The following CHLSN variants were observed in gnomAD, a reference collection of about 807,000 sequenced individuals.
The protein encoded by CHLSN is protein cholesin.
chr7:1,075,472 C>T, the CHLSN span, among the ~76,000 whole-genome samples: 3 of 150,912 alleles, frequency 2.0e-5, no homozygotes, highest in South Asian at 2.1e-4. Context: ...TGCAGTGAGC[C>T]GAGATCGCAC....
the CHLSN span, among the ~76,000 whole-genome samples, chr7:1,011,149 C>T: frequency 1.4e-4 from 21 of 150,742 alleles, no homozygotes; most frequent in African/African-American, 3.9e-4. Context: ...GTACCCACAC[C>T]GACCCACACC....
chr7:998,617 G>C, the CHLSN span, among the ~76,000 whole-genome samples: 1 of 152,006 alleles, frequency 6.6e-6, no homozygotes, highest in African/African-American at 2.4e-5. Flanking sequence ...GCTAATTTTT[G>C]TATTTTTAGT....
chr7:1,000,931 T>C, the CHLSN span, among the ~76,000 whole-genome samples: 7 of 152,256 alleles, frequency 4.6e-5, no homozygotes, highest in East Asian at 1.4e-3. Flanking sequence ...ATTTTCTACA[T>C]GAAAATGGGA....
At chr7:1,111,321 A>G in the CHLSN span, among the ~76,000 whole-genome samples, 1 of 152,274 alleles carries the variant, frequency 6.6e-6, no homozygotes, top group African/African-American at 2.4e-5. Context: ...GACACAGGGT[A>G]GCAGGTGTTC....
chr7:1,136,323 A>AATATATAAAT, the CHLSN span, among the ~76,000 whole-genome samples: 669 of 103,432 alleles, frequency 6.5e-3, 63 homozygotes, highest in African/African-American at 0.032. Flanking sequence ...TATAAACATA[A>AATATATAAAT]ATATATAAAT....
At chr7:1,106,816 T>A in the CHLSN span, among the ~76,000 whole-genome samples, 6 of 152,192 alleles carry the variant, frequency 3.9e-5, no homozygotes, top group African/African-American at 1.4e-4. Flanking sequence ...TGCCGCCCCC[T>A]TCCCTCCGTG....
the CHLSN span, chr7:1,010,236 G>A: frequency 2.5e-6 from 3 of 1,180,226 alleles, no homozygotes; most frequent in Non-Finnish European, 3.5e-6. Flanking sequence ...CCTCACCTCA[G>A]TAGTGGCCAA....
At chr7:985,232 G>C in the CHLSN span, 1 of 1,553,156 alleles carries the variant, frequency 6.4e-7, no homozygotes, top group Non-Finnish European at 8.7e-7. Flanking sequence ...CTCCTCTTCG[G>C]CCGCCGATTT....
At chr7:1,085,189 T>C in the CHLSN span, among the ~76,000 whole-genome samples, 1 of 152,254 alleles carries the variant, frequency 6.6e-6, no homozygotes, top group Non-Finnish European at 1.5e-5. Flanking sequence ...TGTGTGCATT[T>C]AGCTCAATAA....
chr7:1,011,090 T>A, the CHLSN span, among the ~76,000 whole-genome samples: 2 of 123,484 alleles, frequency 1.6e-5, no homozygotes, highest in African/African-American at 3.1e-5. Flanking sequence ...ACACACACAT[T>A]CACAGACTTC....
chr7:1,113,313 ACT>A, the CHLSN span, among the ~76,000 whole-genome samples: 1 of 152,212 alleles, frequency 6.6e-6, no homozygotes, highest in South Asian at 2.1e-4. Context: ...CTTGCTGAGT[ACT>A]GTGTTTTCAC....
At chr7:1,076,779 G>A in the CHLSN span, among the ~76,000 whole-genome samples, 1 of 152,270 alleles carries the variant, frequency 6.6e-6, no homozygotes, top group Non-Finnish European at 1.5e-5. Flanking sequence ...TCTCGGGAAA[G>A]CCGGGGGAGG....
the CHLSN span, among the ~76,000 whole-genome samples, chr7:1,060,002 G>GTGGGGCGGGTCT: frequency 1.5e-4 from 2 of 13,228 alleles, no homozygotes; most frequent in Non-Finnish European, 2.6e-4. Context: ...GGGCGGGTCT[G>GTGGGGCGGGTCT]TAGTGGGGCG....
At chr7:1,091,147 G>C in the CHLSN span, among the ~76,000 whole-genome samples, 17 of 152,216 alleles carry the variant, frequency 1.1e-4, 1 homozygote, top group Non-Finnish European at 7.3e-5. Context: ...CCTGCCTGTG[G>C]GAGTGACTCA....
the CHLSN span, among the ~76,000 whole-genome samples, chr7:979,480 G>A: frequency 1.3e-5 from 2 of 152,176 alleles, no homozygotes; most frequent in Non-Finnish European, 2.9e-5. Flanking sequence ...GGCCGGGTGT[G>A]GTGGCTCACA....
chr7:1,127,366 T>G, the CHLSN span: 1 of 1,608,068 alleles, frequency 6.2e-7, no homozygotes, highest in Non-Finnish European at 8.5e-7. Flanking sequence ...TTCAGGAACT[T>G]TTCTCTTCTG....
the CHLSN span, among the ~76,000 whole-genome samples, chr7:1,039,259 G>A: frequency 4.3e-3 from 172 of 40,318 alleles, 17 homozygotes; most frequent in Admixed American, 6.1e-3. Flanking sequence ...CCCCCCGCCC[G>A]GCCAGCCGCC....
chr7:1,028,660 C>A, the CHLSN span: 2 of 910,624 alleles, frequency 2.2e-6, no homozygotes, highest in Non-Finnish European at 2.6e-6. Context: ...CCCACCCAGC[C>A]CCTATCGTCC....
the CHLSN span, among the ~76,000 whole-genome samples, chr7:1,006,582 G>T: frequency 2.1e-5 from 3 of 141,366 alleles, no homozygotes; most frequent in Non-Finnish European, 4.6e-5. Context: ...CGGCCACAGC[G>T]CAGGGAAAGA....
Sources: gnomAD v4.1 joint callset for allele counts (sites outside exome capture counted in the v4.1 genomes callset) on GRCh38, gnomAD v4.1.1 for gene constraint, MANE v1.5 for transcripts, NCBI Gene and HGNC (gene_info 2026-07-23, HGNC 2026-07-21) for gene names.